GALNT15: variants seen among roughly 807,000 people sequenced by gnomAD.
The protein encoded by GALNT15 is UDP-GalNAc transferase T15.
GALNT15 carries 67 observed loss-of-function variants against 66.8 expected under a neutral mutation model. The observed-to-expected ratio is 1.00, with a 90% CI of 0.82 to 1.23. The LOEUF (loss-of-function observed/expected upper bound fraction) is 1.23. Ranked by LOEUF, GALNT15 falls within the 50% of genes most tolerant of loss-of-function variation. The pLI is 0.00. For missense variants in GALNT15, 827 were observed against 804.3 expected, an observed-to-expected ratio of 1.03 and a Z score of -0.34; for synonymous variants, 313 against 311.5, an observed-to-expected ratio of 1.00 and a Z score of -0.05.
At chr3:16,222,413 G>C (rs2292168) in intron 8 of GALNT15, among the ~76,000 whole-genome samples, 105,734 of 152,144 alleles carry the variant, frequency 0.69, 37,325 homozygotes, top group East Asian at 0.82. Context: ...GTAAGAGCAG[G>C]TGGAATGTGG....
downstream of GALNT15, among the ~76,000 whole-genome samples, chr3:16,232,699 C>T (rs73818328): frequency 0.031 from 4,691 of 150,958 alleles, 261 homozygotes; most frequent in African/African-American, 0.11. Context: ...GATCCGCTGG[C>T]TCCAGTTTGT....
At position 16,200,298 on chromosome 3, in the gene GALNT15, G is replaced by T. The variant is rs1363331678; in HGVS notation, c.707-321G>T. Among the ~76,000 whole-genome samples the T allele has an allele frequency of 1.3e-5, 2 of 152,166 alleles. No homozygotes were observed. Among genetic ancestry groups the T allele is most frequent in the East Asian group, 3.8e-4 (2 of 5,196 alleles). On this transcript the variant is annotated intron_variant, in intron 2 of 9. Coordinates refer to ENST00000339732, the MANE Select transcript of GALNT15 (RefSeq NM_054110.5). The surrounding 1 kb of genome is among the most constrained non-coding windows in gnomAD (Gnocchi z 4.4). The stretch of plus-strand genomic sequence containing the variant: ...CCACTCAAGATGAGATCTGGGTGGG[G>T]ACAAAGAGCCAAACCATATCAGACA...
At chr3:16,210,682 G>T (rs958295515) in intron 4 of GALNT15, among the ~76,000 whole-genome samples, 2 of 152,210 alleles carry the variant, frequency 1.3e-5, no homozygotes, top group Admixed American at 1.3e-4. Context: ...TGGGAAGAGG[G>T]TGGATGGTCA....
chr3:16,201,225 A>G lies in GALNT15; in HGVS notation c.911+402A>G, dbSNP rs567417452. On this transcript the variant is annotated intron_variant, in intron 3 of 9. Transcript: ENST00000339732. ...GTGATGGCGTCTCGCTCTGTCACCC[A>G]GGCTGGAGTGCAGCGGGGCGATCTC... Among the ~76,000 whole-genome samples the G allele has an allele frequency of 1.0e-3, 156 of 151,832 alleles. 1 individual carries two copies. Among genetic ancestry groups the G allele is most frequent in the African/African-American group, 3.6e-3 (148 of 41,328 alleles).
chr3:16,190,742 T>C (rs956750067), intron 1 of GALNT15, among the ~76,000 whole-genome samples: 1 of 152,136 alleles, frequency 6.6e-6, no homozygotes, highest in Non-Finnish European at 1.5e-5. Flanking sequence ...TTATAATATT[T>C]AGTTCCACAC....
chr3:16,236,128 A>AAAAAAAAAAAAAAAAAAAAAC (rs2064124444), downstream of GALNT15, among the ~76,000 whole-genome samples: 1 of 146,802 alleles, frequency 6.8e-6, no homozygotes, highest in African/African-American at 2.6e-5. Context: ...AAAAAAAAAA[A>AAAAAAAAAAAAAAAAAAAAAC]AAAGGACTGG....
At position 16,175,460 on chromosome 3, in the gene GALNT15, G is replaced by A; in HGVS notation, c.309G>A (p.Gln103=). ...TGCTGGTGGCCGTGGCCTTACCCCA[G>A]GCCAGAAGGAACCAGAGCCAGGGCA... The part of the protein sequence containing the change: ...DQLLVAVALP[Q]ARRNQSQGRR... Residue 103 remains glutamine (Q), a synonymous_variant, in exon 1 of 10, where the codon CAG becomes CAA. Coordinates refer to ENST00000339732, the MANE Select transcript of GALNT15 (RefSeq NM_054110.5). The surrounding 1 kb of genome is among the most constrained non-coding windows in gnomAD (Gnocchi z 5.6). The A allele has an allele frequency of 1.2e-6, 2 of 1,614,118 alleles. No individual in the cohort carries two copies. Among genetic ancestry groups the A allele is most frequent in the Non-Finnish European group, 8.5e-7 (1 of 1,179,992 alleles).
chr3:16,231,162 A>G (rs1279042307), downstream of GALNT15, among the ~76,000 whole-genome samples: 14 of 103,862 alleles, frequency 1.3e-4, no homozygotes, highest in Non-Finnish European at 2.6e-4. The surrounding 1 kb of genome is among the most constrained non-coding windows in gnomAD (Gnocchi z 4.1). Flanking sequence ...GTGGGGGGCA[A>G]GGGAAGGGAG....
intron 3 of GALNT15, among the ~76,000 whole-genome samples, chr3:16,201,689 C>T (rs1331469204): frequency 6.6e-6 from 1 of 152,200 alleles, no homozygotes; most frequent in Non-Finnish European, 1.5e-5. Context: ...GAGAGGACTG[C>T]ATTACATTAC....
chr3:16,233,448 C>G (rs947962305), downstream of GALNT15, among the ~76,000 whole-genome samples: 1 of 152,102 alleles, frequency 6.6e-6, no homozygotes. Context: ...TCATTTTCTT[C>G]TTTTCCCTCA....
At chr3:16,194,472 C>T (rs373271768) in intron 1 of GALNT15, among the ~76,000 whole-genome samples, 1 of 152,134 alleles carries the variant, frequency 6.6e-6, no homozygotes, top group African/African-American at 2.4e-5. Flanking sequence ...AAAATTTTCT[C>T]CAATTTTGTA....
Position 16,229,048 on chromosome 3 carries a change from G to C in GALNT15, c.*1548G>C. ...CAGCATTCATATTCATTTTTCCCCA[G>C]ATGGAGTTACCTACCTTTCCACATG... On this transcript the variant is annotated 3_prime_UTR_variant, in exon 10 of 10. Coordinates refer to ENST00000339732, the MANE Select transcript of GALNT15 (RefSeq NM_054110.5). The C allele has an allele frequency of 1.0e-6, 1 of 985,434 alleles. No homozygotes were observed. Among genetic ancestry groups the C allele is most frequent in the Non-Finnish European group, 1.2e-6 (1 of 829,940 alleles). 61.0% of individuals were successfully genotyped at this position (985,434 alleles called of 1,614,324 possible). A position where few individuals can be genotyped will look rare whatever the true frequency, so the allele number is the denominator to read the frequency against.
At chr3:16,202,991 AC>A (rs2063718658) in intron 3 of GALNT15, among the ~76,000 whole-genome samples, 4 of 152,198 alleles carry the variant, frequency 2.6e-5, no homozygotes, top group Admixed American at 2.6e-4. Context: ...TGTATGTGTA[AC>A]CCTCGCAGAC....
In GALNT15 at chr3:16,215,582, C is replaced by A. The variant is rs73051167; in HGVS notation, c.1392+2819C>A. Among the ~76,000 whole-genome samples the A allele has an allele frequency of 6.2e-3, 940 of 152,242 alleles. 12 individuals carry two copies. The highest frequency in any genetic ancestry group is 8.2e-3 in the Non-Finnish European group (560 of 68,016). On this transcript the variant is annotated intron_variant, in intron 6 of 9. Coordinates refer to ENST00000339732, the MANE Select transcript of GALNT15 (RefSeq NM_054110.5). The stretch of plus-strand genomic sequence containing the variant: ...AATAAGCTATCCTCTACAGTTCTGT[C>A]TGAATTTGGGGGAAGGCAAGGATGT...
Position 16,225,721 on chromosome 3 carries a change from A to T in GALNT15, c.1774-1633A>T, listed in dbSNP as rs375055798. ...ATAAATAAATAAATAAAAGAAAAAGAAAAAAAGAAGAAAAAGATTTGTGGT... is the reference window on the plus strand; with the variant it reads ...ATAAATAAATAAATAAAAGAAAAAGTAAAAAAGAAGAAAAAGATTTGTGGT... On this transcript the variant is annotated intron_variant, in intron 9 of 9. Coordinates refer to ENST00000339732, the MANE Select transcript of GALNT15 (RefSeq NM_054110.5). This position sits in a 1 kb window ranked among gnomAD's most constrained non-coding sequence, Gnocchi z 4.4. Among the ~76,000 whole-genome samples, 13 of 151,906 alleles carry T rather than the reference A, an allele frequency of 8.6e-5. No homozygotes were observed. The East Asian group carries it at 1.9e-3, about 23-fold the overall frequency.
At position 16,184,039 on chromosome 3, in the gene GALNT15, C is replaced by T. The variant is rs2063495398; in HGVS notation, c.539+8349C>T. On this transcript the variant is annotated intron_variant, in intron 1 of 9. Coordinates refer to ENST00000339732, the MANE Select transcript of GALNT15 (RefSeq NM_054110.5). This position sits in a 1 kb window ranked among gnomAD's most constrained non-coding sequence, Gnocchi z 5.0. ...TATCCCTTTCAATCCAGGACACACC[C>T]CTGGGCTGGAGAAAGGTATCAACAT... is the stretch of plus-strand genomic sequence containing the variant. Among the ~76,000 whole-genome samples the T allele has an allele frequency of 6.6e-6, 1 of 152,112 alleles. No individual in the cohort carries two copies. Among genetic ancestry groups the T allele is most frequent in the African/African-American group, 2.4e-5 (1 of 41,402 alleles).
intron 2 of GALNT15, among the ~76,000 whole-genome samples, chr3:16,199,723 G>A (rs943988777): frequency 6.6e-6 from 1 of 152,102 alleles, no homozygotes. Flanking sequence ...GCTGCACTGC[G>A]GGGTCTGTCT....
intron 1 of GALNT15, among the ~76,000 whole-genome samples, chr3:16,194,761 A>G (rs2124859707): frequency 6.6e-6 from 1 of 152,322 alleles, no homozygotes; most frequent in Admixed American, 6.5e-5. Context: ...GTTCTCACTT[A>G]TAAGTGGGAG....
rs932277776 is a variant in GALNT15 at position 16,228,809 on chromosome 3, A to G, written c.*1309A>G. The G allele has an allele frequency of 1.1e-5, 11 of 985,474 alleles. No individual in the cohort carries two copies. The South Asian group carries it at 4.7e-4, about 42-fold the overall frequency. The allele number at this position is 985,474 out of a possible 1,614,324, so 61.0% of individuals were successfully genotyped here. ...AGGTAACATTTGGGTGTTAATGTCC[A>G]TGAGAGCTGACAGGGCCATCTCTGA... On this transcript the variant is annotated 3_prime_UTR_variant, in exon 10 of 10. Coordinates refer to ENST00000339732, the MANE Select transcript of GALNT15 (RefSeq NM_054110.5).
Sources: gnomAD v4.1 joint callset for allele counts (sites outside exome capture counted in the v4.1 genomes callset) on GRCh38, gnomAD v4.1.1 for gene constraint, Gnocchi (gnomAD v3.1) non-coding constraint, MANE v1.5 for transcripts, NCBI Gene and HGNC (gene_info 2026-07-23, HGNC 2026-07-21) for gene names.